PTPRK: variants seen among roughly 807,000 people sequenced by gnomAD.
PTPRK encodes the protein protein tyrosine phosphatase receptor type K.
A neutral mutation model predicts 178.0 loss-of-function variants in PTPRK; 75 were observed. The observed-to-expected ratio is 0.42, with a 90% confidence interval of 0.35 to 0.51. The LOEUF is 0.51. PTPRK is among the 20% of genes least tolerant of loss of function. The pLI, the probability that PTPRK is intolerant of heterozygous loss-of-function variation, is 0.02. For synonymous variants in PTPRK, 637 were observed against 620.6 expected (o/e 1.03, Z -0.39); for missense variants, 1,441 against 1,797.8 (o/e 0.80, Z 3.59).
chr6:128,107,082 A>G (rs1364761922), intron 7 of PTPRK, among the ~76,000 whole-genome samples: 1 of 152,104 alleles, frequency 6.6e-6, no homozygotes, highest in Non-Finnish European at 1.5e-5. Context: ...ACATAGCTAG[A>G]CATTTACTAA....
rs907450317 is a variant in PTPRK at position 128,184,035 on chromosome 6, G to T, written c.1162+397C>A. 3.9e-5 allele frequency among the ~76,000 whole-genome samples: 6 copies of T among 152,148 alleles called. No homozygotes were observed. In the South Asian group the frequency reaches 1.2e-3, roughly 32 times the overall value. ...TATTATAAGATGTGGCCTTTACACTGACTGTAACAAAATTACTGAGGGAGA... is the reference window on the plus strand; with the variant it reads ...TATTATAAGATGTGGCCTTTACACTTACTGTAACAAAATTACTGAGGGAGA... On this transcript the variant is annotated intron_variant, in intron 7 of 29. Transcript: ENST00000368226.
chr6:128,504,537 AC>A (rs1856046192), intron 1 of PTPRK, among the ~76,000 whole-genome samples: 1 of 152,190 alleles, frequency 6.6e-6, no homozygotes, highest in Admixed American at 6.5e-5. Flanking sequence ...AAAGGTAAAA[AC>A]AACAGCCCTC....
At chr6:128,360,874 A>C (rs1834647262) in intron 2 of PTPRK, among the ~76,000 whole-genome samples, 2 of 152,142 alleles carry the variant, frequency 1.3e-5, no homozygotes, top group Admixed American at 6.5e-5. Context: ...ACTTATGTAA[A>C]TACTACCCAA....
chr6:128,221,696 G>T (rs561030788), intron 5 of PTPRK, among the ~76,000 whole-genome samples: 18 of 151,866 alleles, frequency 1.2e-4, no homozygotes, highest in Admixed American at 8.5e-4. Context: ...TCCAAATCAG[G>T]ATTTTGCTAT....
chr6:128,124,073 T>C (rs1467178987), intron 7 of PTPRK, among the ~76,000 whole-genome samples: 1 of 150,026 alleles, frequency 6.7e-6, no homozygotes, highest in Non-Finnish European at 1.5e-5. Flanking sequence ...AGACAGAGTC[T>C]CAGTCTGTCA....
chr6:128,109,090 A>T (rs1272755511), intron 7 of PTPRK, among the ~76,000 whole-genome samples: 1 of 152,132 alleles, frequency 6.6e-6, no homozygotes, highest in South Asian at 2.1e-4. Context: ...TTTAAAAAAA[A>T]CTACCATGTG....
In PTPRK at chr6:128,182,984, T is replaced by C. The variant is rs140515478; in HGVS notation, c.1162+1448A>G. Among the ~76,000 whole-genome samples the C allele has an allele frequency of 3.3e-3, 506 of 152,296 alleles. 5 individuals are homozygous for C. The highest frequency in any genetic ancestry group is 0.011 in the African/African-American group (464 of 41,560). On this transcript the variant is annotated intron_variant, in intron 7 of 29. Coordinates refer to ENST00000368226, the MANE Select transcript of PTPRK (RefSeq NM_002844.4). ...CACAGGAAGTCAAGAGGGAAATCAC[T>C]GGAATACCAAATTGTCAAAATTGTT...
At chr6:128,188,609 T>A (rs1441133522) in intron 6 of PTPRK, among the ~76,000 whole-genome samples, 1 of 152,204 alleles carries the variant, frequency 6.6e-6, no homozygotes, top group Non-Finnish European at 1.5e-5. Context: ...TATTCTCCTA[T>A]GGCTGCTGCA....
intron 1 of PTPRK, among the ~76,000 whole-genome samples, chr6:128,516,230 T>C (rs1857994938): frequency 6.6e-6 from 1 of 152,134 alleles, no homozygotes; most frequent in Non-Finnish European, 1.5e-5. Context: ...TGATTTATTT[T>C]TGAAATTCAC....
At chr6:128,393,631 G>T (rs962924180) in intron 2 of PTPRK, among the ~76,000 whole-genome samples, 6 of 151,902 alleles carry the variant, frequency 3.9e-5, no homozygotes, top group African/African-American at 1.5e-4. Flanking sequence ...TTCAGCAGAG[G>T]GAAAAGAACA....
intron 7 of PTPRK, among the ~76,000 whole-genome samples, chr6:128,108,659 A>C (rs1050448892): frequency 6.6e-6 from 1 of 152,186 alleles, no homozygotes; most frequent in African/African-American, 2.4e-5. Flanking sequence ...GGAAATTGTA[A>C]GTAATGATAT....
At chr6:128,082,744 A>G (rs1290288877) in intron 9 of PTPRK, 106 bp from the exon 10 acceptor site, 3 of 782,962 alleles carry the variant, frequency 3.8e-6, no homozygotes, top group Admixed American at 3.4e-5. Context: ...TGTGGAGTCA[A>G]TGGTAATTTT....
At chr6:128,452,951 C>CAGG (rs1847967757) in intron 1 of PTPRK, among the ~76,000 whole-genome samples, 1 of 152,138 alleles carries the variant, frequency 6.6e-6, no homozygotes, top group Non-Finnish European at 1.5e-5. Flanking sequence ...ACTTTGGTTC[C>CAGG]AACTTCACTG....
intron 2 of PTPRK, among the ~76,000 whole-genome samples, chr6:128,328,946 T>C (rs924580946): frequency 1.3e-5 from 2 of 152,172 alleles, no homozygotes; most frequent in Non-Finnish European, 2.9e-5. Flanking sequence ...TTTCAATCTG[T>C]TGTAGTATCA....
chr6:128,236,379 C>T (rs1396892823), intron 5 of PTPRK, among the ~76,000 whole-genome samples: 16 of 130,328 alleles, frequency 1.2e-4, no homozygotes, highest in Middle Eastern at 5.2e-3. Context: ...GACACATTCT[C>T]GCTCTGTCAC....
intron 1 of PTPRK, among the ~76,000 whole-genome samples, chr6:128,419,534 G>A (rs1430865498): frequency 1.3e-5 from 2 of 151,974 alleles, no homozygotes; most frequent in East Asian, 1.9e-4. Context: ...GCGTTAACCC[G>A]GGAGGCGGAG....
At chr6:128,164,720 G>T (rs1032413164) in intron 7 of PTPRK, among the ~76,000 whole-genome samples, 1 of 131,310 alleles carries the variant, frequency 7.6e-6, no homozygotes, top group Non-Finnish European at 1.5e-5. Flanking sequence ...ATTACAGGCT[G>T]GGGGGGGAGA....
At chr6:128,321,770 A>C in intron 3 of PTPRK, 1 of 696,930 alleles carries the variant, frequency 1.4e-6, no homozygotes, top group Non-Finnish European at 2.6e-6. Context: ...TTATTTTAAC[A>C]CATAGAAATA....
chr6:128,301,366 T>A (rs1401571464), intron 3 of PTPRK, among the ~76,000 whole-genome samples: 1 of 152,036 alleles, frequency 6.6e-6, no homozygotes, highest in African/African-American at 2.4e-5. Context: ...TTTTCAATAC[T>A]CTCTTTTAAA....
Sources: gnomAD v4.1 joint callset for allele counts (sites outside exome capture counted in the v4.1 genomes callset) on GRCh38, gnomAD v4.1.1 for gene constraint, MANE v1.5 for transcripts, NCBI Gene and HGNC (gene_info 2026-07-23, HGNC 2026-07-21) for gene names.